The following PCDH15 variants were observed in gnomAD, a reference collection of about 807,000 sequenced individuals.
PCDH15 encodes the protein protocadherin-15.
A neutral mutation model predicts 178.5 loss-of-function variants in PCDH15; 129 were observed. The ratio of observed to expected loss-of-function variants is 0.72; its 90% CI spans 0.63 to 0.84. The LOEUF (loss-of-function observed/expected upper bound fraction) is 0.84, where lower values mean the gene tolerates loss of function less well. Among genes scored for constraint, PCDH15 ranks in the 40% least tolerant of loss-of-function variants. PCDH15 has a pLI of 0.00. For missense variants in PCDH15, 2,230 were observed against 2,099.9 expected (o/e 1.06, Z -1.21); for synonymous variants, 800 against 732.0 (o/e 1.09, Z -1.50).
At chr10:55,092,029 T>A (rs1480219823) in intron 2 of PCDH15, among the ~76,000 whole-genome samples, 1 of 151,920 alleles carries the variant, frequency 6.6e-6, no homozygotes, top group Non-Finnish European at 1.5e-5. Context: ...ATTCCATTTT[T>A]CACAGAAATC....
At chr10:55,007,255 T>C (rs1453811523) in intron 2 of PCDH15, among the ~76,000 whole-genome samples, 1 of 152,218 alleles carries the variant, frequency 6.6e-6, no homozygotes, top group Non-Finnish European at 1.5e-5. Flanking sequence ...CTAATACTGA[T>C]ACTAAAACCA....
intron 1 of PCDH15, among the ~76,000 whole-genome samples, chr10:55,239,850 A>G (rs1042818250): frequency 6.6e-6 from 1 of 152,190 alleles, no homozygotes; most frequent in Non-Finnish European, 1.5e-5. Context: ...AAAAAATAAA[A>G]TAATCTGACT....
intron 1 of PCDH15, among the ~76,000 whole-genome samples, chr10:54,757,730 G>T (rs993807599): frequency 1.3e-5 from 2 of 152,070 alleles, no homozygotes; most frequent in African/African-American, 2.4e-5. Context: ...TATTTATGCC[G>T]AGAGAGAGAC....
intron 3 of PCDH15, among the ~76,000 whole-genome samples, chr10:54,457,899 A>G (rs2076931167): frequency 6.6e-6 from 1 of 152,166 alleles, no homozygotes; most frequent in South Asian, 2.1e-4. Flanking sequence ...ACATAATACA[A>G]TATTCCTGTT....
At chr10:55,425,010 T>A (rs1838717334) in intron 2 of PCDH15, among the ~76,000 whole-genome samples, 1 of 151,884 alleles carries the variant, frequency 6.6e-6, no homozygotes. Flanking sequence ...ACAGATCAAA[T>A]TATAGAAAGT....
intron 13 of PCDH15, among the ~76,000 whole-genome samples, chr10:54,164,506 T>A (rs2046016095): frequency 1.3e-5 from 2 of 152,186 alleles, no homozygotes; most frequent in African/African-American, 4.8e-5. Flanking sequence ...CCCAGTTGAA[T>A]GTATCAACAC....
At chr10:54,575,357 A>G (rs2090355169) in intron 2 of PCDH15, 1 of 153,304 alleles carries the variant, frequency 6.5e-6, no homozygotes, top group African/African-American at 2.4e-5. Context: ...CTTTGATTTA[A>G]TAAACCAGAT....
chr10:54,614,333 A>G (rs1282684501), intron 2 of PCDH15, among the ~76,000 whole-genome samples: 1 of 151,976 alleles, frequency 6.6e-6, no homozygotes, highest in Non-Finnish European at 1.5e-5. Context: ...CCGCTATTTT[A>G]TTTGTTCCAA....
intron 1 of PCDH15, among the ~76,000 whole-genome samples, chr10:54,791,357 T>C (rs1951392173): frequency 6.6e-6 from 1 of 151,894 alleles, no homozygotes; most frequent in South Asian, 2.1e-4. Context: ...TGGAATTGCA[T>C]TAATAATTCA....
chr10:55,462,204 CTA>C (rs1405424493), intron 2 of PCDH15, among the ~76,000 whole-genome samples: 1 of 152,036 alleles, frequency 6.6e-6, no homozygotes, highest in African/African-American at 2.4e-5. Flanking sequence ...TTGTAATAAT[CTA>C]TGACATATAT....
chr10:55,068,378 T>C lies in PCDH15; in HGVS notation c.-80+98198A>G, dbSNP rs150831708. 2.6e-3 allele frequency among the ~76,000 whole-genome samples: 396 copies of C among 152,250 alleles called. 1 individual carries two copies. The highest frequency in any genetic ancestry group is 9.3e-3 in the African/African-American group (385 of 41,568). ...AGACTGTCCTTTCCCCAGTGAATTT[T>C]CTTGGCAATTTTATCAAAGATCAGT... On this transcript the variant is annotated intron_variant, in intron 2 of 5. Coordinates refer to the PCDH15 transcript ENST00000458638.
chr10:54,890,181 A>G (rs1257691511), intron 3 of PCDH15, among the ~76,000 whole-genome samples: 6 of 151,992 alleles, frequency 3.9e-5, no homozygotes, highest in Admixed American at 2.0e-4. Context: ...TTAATAAATA[A>G]CTTCAAAATA....
intron 25 of PCDH15, among the ~76,000 whole-genome samples, chr10:53,911,905 C>T (rs1336508378): frequency 1.3e-5 from 2 of 152,080 alleles, no homozygotes; most frequent in African/African-American, 4.8e-5. Context: ...GAAAATATTC[C>T]AATCAATAGA....
At chr10:55,491,492 C>T (rs966416854) in intron 2 of PCDH15, among the ~76,000 whole-genome samples, 8 of 151,672 alleles carry the variant, frequency 5.3e-5, no homozygotes, top group Non-Finnish European at 7.4e-5. Flanking sequence ...CAGGGACTGC[C>T]ACCTTTACCT....
At chr10:55,596,899 G>C (rs1842946194) in intron 2 of PCDH15, among the ~76,000 whole-genome samples, 1 of 152,016 alleles carries the variant, frequency 6.6e-6, no homozygotes, top group South Asian at 2.1e-4. Flanking sequence ...GGCAATAAAG[G>C]CAAAAATAGA....
intron 2 of PCDH15, among the ~76,000 whole-genome samples, chr10:54,597,977 T>C (rs1250947473): frequency 1.3e-5 from 2 of 152,054 alleles, no homozygotes; most frequent in African/African-American, 2.4e-5. Flanking sequence ...AATGCTGAAA[T>C]TGAATCAGTA....
At chr10:55,183,345 A>G (rs542955103) in intron 1 of PCDH15, among the ~76,000 whole-genome samples, 1 of 152,096 alleles carries the variant, frequency 6.6e-6, no homozygotes, top group Admixed American at 6.6e-5. Context: ...TACATATTGT[A>G]AATTATCATT....
At chr10:54,163,476 C>T (rs1280508118) in intron 13 of PCDH15, among the ~76,000 whole-genome samples, 1 of 152,022 alleles carries the variant, frequency 6.6e-6, no homozygotes, top group Admixed American at 6.6e-5. Context: ...AGAAGTCACT[C>T]ACTATCATGA....
At chr10:54,474,515 CAACTAAGGT>C (rs932004159) in intron 3 of PCDH15, among the ~76,000 whole-genome samples, 8 of 151,982 alleles carry the variant, frequency 5.3e-5, no homozygotes, top group Admixed American at 3.9e-4. Flanking sequence ...TAAATGTAAT[CAACTAAGGT>C]AGTACTCCCT....
Sources: allele counts gnomAD v4.1 joint callset (sites outside exome capture counted in the v4.1 genomes callset), GRCh38; gene constraint gnomAD v4.1.1; transcripts MANE v1.5; gene names NCBI Gene and HGNC (gene_info 2026-07-23, HGNC 2026-07-21).